PDE9A: variants seen among roughly 807,000 people sequenced by gnomAD.
PDE9A encodes the protein high affinity cGMP-specific 3',5'-cyclic phosphodiesterase 9A.
A neutral mutation model predicts 87.4 loss-of-function variants in PDE9A; 60 were observed. That is an observed-to-expected ratio of 0.69 (90% CI 0.56 to 0.85). PDE9A has a LOEUF of 0.85. PDE9A is among the 40% of genes least tolerant of loss of function. The pLI is 0.00. For missense variants in PDE9A, 665 were observed against 779.0 expected, an observed-to-expected ratio of 0.85 and a Z score of 1.74; for synonymous variants, 272 against 279.4, an observed-to-expected ratio of 0.97 and a Z score of 0.27.
In PDE9A at chr21:42,701,420, T is replaced by C. The variant is rs538606090; in HGVS notation, c.262+2409T>C. On this transcript the variant is annotated intron_variant, in intron 4 of 19. Coordinates refer to ENST00000291539, the MANE Select transcript of PDE9A (RefSeq NM_002606.3). The stretch of plus-strand genomic sequence containing the variant: ...GCTTTTGTCTGAAAAAGCTTTTCTT[T>C]GCTGTTTTGCTTTTTTTTTTTTCAA... Among the ~76,000 whole-genome samples, 193 of 147,768 alleles carry C rather than the reference T, an allele frequency of 1.3e-3. 1 individual carries two copies. The highest frequency in any genetic ancestry group is 3.2e-3 in the East Asian group (15 of 4,720).
At chr21:42,743,647 G>A in intron 7 of PDE9A, 129 bp from the exon 8 acceptor site, 1 of 629,428 alleles carries the variant, frequency 1.6e-6, no homozygotes, top group Non-Finnish European at 2.9e-6. Flanking sequence ...AGCCAGGGCA[G>A]GTGTGGGGAC....
chr21:42,749,991 A>T (rs1279572892), intron 8 of PDE9A, among the ~76,000 whole-genome samples: 1 of 152,184 alleles, frequency 6.6e-6, no homozygotes, highest in Admixed American at 6.5e-5. Flanking sequence ...TACAAAAATT[A>T]GTCAGGTGTG....
Position 42,675,975 on chromosome 21 carries a change from A to G in PDE9A, c.70-10217A>G, listed in dbSNP as rs185853183. On this transcript the variant is annotated intron_variant, in intron 1 of 19. Coordinates refer to ENST00000291539, the MANE Select transcript of PDE9A (RefSeq NM_002606.3). This position sits in a 1 kb window ranked among gnomAD's most constrained non-coding sequence, Gnocchi z 4.3. ...GGTTTAGTGCCATCCCCTTGGTGCTATCCTTGAGATAGTGAATTCTTGCAA... is the reference window on the plus strand; with the variant it reads ...GGTTTAGTGCCATCCCCTTGGTGCTGTCCTTGAGATAGTGAATTCTTGCAA... 4.9e-4 allele frequency among the ~76,000 whole-genome samples: 75 copies of G among 152,252 alleles called. No homozygotes were observed. Among genetic ancestry groups the G allele is most frequent in the Non-Finnish European group, 6.0e-4 (41 of 68,020 alleles).
chr21:42,746,528 C>A (rs773157028), intron 8 of PDE9A, among the ~76,000 whole-genome samples: 1 of 152,200 alleles, frequency 6.6e-6, no homozygotes, highest in Admixed American at 6.5e-5. Flanking sequence ...TGTAAGGACA[C>A]CCATCCTATT....
At chr21:42,663,435 G>A (rs1360418162) in intron 1 of PDE9A, among the ~76,000 whole-genome samples, 2 of 152,212 alleles carry the variant, frequency 1.3e-5, no homozygotes, top group Non-Finnish European at 2.9e-5. Flanking sequence ...CACACAGCTC[G>A]GAGGGAGGGC....
intron 4 of PDE9A, among the ~76,000 whole-genome samples, chr21:42,720,405 A>G (rs1258924308): frequency 6.6e-6 from 1 of 152,118 alleles, no homozygotes; most frequent in Non-Finnish European, 1.5e-5. Flanking sequence ...GAGGCAGGAG[A>G]ATCGCTTGAA....
At chr21:42,667,309 G>C (rs995559931) in intron 1 of PDE9A, among the ~76,000 whole-genome samples, 4 of 152,178 alleles carry the variant, frequency 2.6e-5, no homozygotes, top group African/African-American at 7.2e-5. Flanking sequence ...ATTTTCAAAA[G>C]GGAGACATAC....
At position 42,653,693 on chromosome 21, in the gene PDE9A, T is replaced by A; in HGVS notation, c.-122T>A. The A allele has an allele frequency of 3.7e-6, 1 of 271,256 alleles. No individual in the cohort carries two copies. The highest frequency in any genetic ancestry group is 6.7e-6 in the Non-Finnish European group (1 of 148,224). The allele number at this position is 271,256 out of a possible 1,614,324, so 16.8% of individuals were successfully genotyped here. ...GGGCCCGGTGGCGGCGCGGCTGTGG[T>A]TGGCTGAGCGCCGCGGGCCGCCCCC... On this transcript the variant is annotated 5_prime_UTR_variant, in exon 1 of 20. It adds an upstream start codon to the 5' untranslated region. Coordinates refer to ENST00000291539, the MANE Select transcript of PDE9A (RefSeq NM_002606.3).
In PDE9A at chr21:42,659,906, C is replaced by T. The variant is rs148980421; in HGVS notation, c.69+6023C>T. Among the ~76,000 whole-genome samples the T allele has an allele frequency of 4.3e-3, 657 of 152,336 alleles. 6 individuals are homozygous for T. Among genetic ancestry groups the T allele is most frequent in the Middle Eastern group, 0.014 (4 of 294 alleles). ...GGAAGGGCACACTGTCCCCGTCAGA[C>T]GCCTCAGATGAACTGACATGCAAAT... On this transcript the variant is annotated intron_variant, in intron 1 of 19. Transcript: ENST00000291539. The surrounding 1 kb of genome is among the most constrained non-coding windows in gnomAD (Gnocchi z 4.1).
At position 42,705,741 on chromosome 21, in the gene PDE9A, A is replaced by T. The variant is rs569942396; in HGVS notation, c.262+6730A>T. On this transcript the variant is annotated intron_variant, in intron 4 of 19. Transcript: ENST00000291539. This position sits in a 1 kb window ranked among gnomAD's most constrained non-coding sequence, Gnocchi z 4.3. ...CGTGCTGTCACACTTAACCCAAGTG[A>T]TGACAGCCTCTTCAACTAGGACAGT... is the stretch of plus-strand genomic sequence containing the variant. Among the ~76,000 whole-genome samples the T allele has an allele frequency of 1.1e-3, 163 of 152,230 alleles. No individual in the cohort carries two copies. Among genetic ancestry groups the T allele is most frequent in the African/African-American group, 3.8e-3 (158 of 41,550 alleles).
chr21:42,754,456 C>T (rs1490526230), intron 10 of PDE9A, among the ~76,000 whole-genome samples: 4 of 152,238 alleles, frequency 2.6e-5, no homozygotes, highest in African/African-American at 4.8e-5. Flanking sequence ...GGGCTGCGGT[C>T]AGAGTGCTCT....
Position 42,666,750 on chromosome 21 carries a change from C to A in PDE9A, c.69+12867C>A, listed in dbSNP as rs529386525. ...GCCCGGTCTCCAAATAAGGTCATAT[C>A]GTGAAGTGCTGGGGTCAGAACTACA... On this transcript the variant is annotated intron_variant, in intron 1 of 19. Transcript: ENST00000291539. Among the ~76,000 whole-genome samples the A allele has an allele frequency of 5.8e-4, 89 of 152,286 alleles. 1 individual carries two copies. In the South Asian group the frequency reaches 0.016, roughly 27 times the overall value.
intron 4 of PDE9A, among the ~76,000 whole-genome samples, chr21:42,703,231 G>C (rs1404604616): frequency 1.3e-5 from 2 of 152,238 alleles, no homozygotes; most frequent in African/African-American, 4.8e-5. Flanking sequence ...GACATCAGGT[G>C]CATGAGGAGC....
intron 4 of PDE9A, among the ~76,000 whole-genome samples, chr21:42,699,627 C>T (rs1177726389): frequency 6.6e-6 from 1 of 151,812 alleles, no homozygotes; most frequent in Non-Finnish European, 1.5e-5. Flanking sequence ...ACGATCTCGG[C>T]TCACTGCAAC....
chr21:42,684,230 A>G (rs1382097282), intron 1 of PDE9A, among the ~76,000 whole-genome samples: 1 of 152,230 alleles, frequency 6.6e-6, no homozygotes, highest in East Asian at 1.9e-4. Context: ...CAGAATGTTC[A>G]AAGAAAGAGC....
chr21:42,751,217 CAGA>C lies in PDE9A; in HGVS notation c.735+26_735+28del, dbSNP rs758828835. ...CCCAAGGTAAGATGAGATTCCGGCC[CAGA>C]AGAAGCTGCAGCTGTGTCCCCAGCC... On this transcript the variant is annotated intron_variant, in intron 9 of 19. Transcript: ENST00000291539. 2 of 1,560,654 alleles carry C rather than the reference CAGA, an allele frequency of 1.3e-6. No homozygotes were observed. The highest frequency in any genetic ancestry group is 1.8e-6 in the Non-Finnish European group (2 of 1,131,080).
At chr21:42,690,369 C>T (rs779852614) in intron 3 of PDE9A, among the ~76,000 whole-genome samples, 2 of 151,986 alleles carry the variant, frequency 1.3e-5, no homozygotes, top group Non-Finnish European at 2.9e-5. Context: ...CGGATCTAGA[C>T]AGCGATGTGG....
At chr21:42,744,182 G>A (rs949561461) in intron 8 of PDE9A, among the ~76,000 whole-genome samples, 101 of 152,232 alleles carry the variant, frequency 6.6e-4, no homozygotes, top group African/African-American at 2.2e-3. Flanking sequence ...GTGAAACCCC[G>A]TCTCTACTAA....
intron 8 of PDE9A, among the ~76,000 whole-genome samples, chr21:42,747,740 CAG>C (rs148671937): frequency 0.031 from 4,789 of 152,314 alleles, 236 homozygotes; most frequent in African/African-American, 0.11. Context: ...AGGCAGAGAG[CAG>C]AGCATGGAAT....
Sources: allele counts gnomAD v4.1 joint callset (sites outside exome capture counted in the v4.1 genomes callset), GRCh38; gene constraint gnomAD v4.1.1; non-coding constraint Gnocchi (gnomAD v3.1); transcripts MANE v1.5; gene names NCBI Gene and HGNC (gene_info 2026-07-23, HGNC 2026-07-21).